EXOSC9: variants seen among roughly 807,000 people sequenced by gnomAD.
The protein encoded by EXOSC9 is exosome complex component RRP45.
In EXOSC9, 38 loss-of-function variants were observed where a neutral mutation model predicts 56.5. The ratio of observed to expected loss-of-function variants is 0.67; its 90% CI spans 0.52 to 0.88. EXOSC9 has a LOEUF of 0.88. Ranked by LOEUF, EXOSC9 falls within the 40% of genes least tolerant of loss-of-function variation. The pLI, the probability that EXOSC9 is intolerant of heterozygous loss-of-function variation, is 0.00. For missense variants in EXOSC9, 559 were observed against 530.5 expected (o/e 1.05, Z -0.53); for synonymous variants, 170 against 170.8 (o/e 0.99, Z 0.04).
intron 10 of EXOSC9, chr4:121,814,710 CCA>C (rs1004035406): frequency 2.6e-5 from 4 of 152,094 alleles, no homozygotes; most frequent in Admixed American, 2.6e-4. Flanking sequence ...AATTAAGCAG[CCA>C]CATGTGGCTA....
In EXOSC9 at chr4:121,816,419, G is replaced by A. The variant is rs1162896262; in HGVS notation, c.1207G>A (p.Glu403Lys). ...TGAAGAAGAAGAAATGATCATTTTG[G>A]AACCAGACAAGAATCCAAAGAAAAT... ...DSEEEEMIIL[E>K]PDKNPKKIRT... The change falls in exon 11 of 12, where the codon GAA (glutamate) becomes AAA (lysine). Residue 403 changes from glutamate to lysine, a missense_variant. By Grantham distance (56) the Glu-to-Lys change is moderately conservative. Transcript: ENST00000243498. 10 of 1,579,102 alleles carry A rather than the reference G, an allele frequency of 6.3e-6. No homozygotes were observed. Among genetic ancestry groups the A allele is most frequent in the Admixed American group, 3.7e-5 (2 of 53,470 alleles).
chr4:121,803,071 A>G, intron 4 of EXOSC9, 54 bp downstream of exon 4: 1 of 1,192,104 alleles, frequency 8.4e-7, no homozygotes, highest in Non-Finnish European at 1.2e-6. Flanking sequence ...TTGATCATGG[A>G]TCCCGGTATC....
chr4:121,804,585 CAGTT>C (rs750710077), intron 4 of EXOSC9, 33 bp from the exon 5 acceptor site: 3 of 1,381,402 alleles, frequency 2.2e-6, no homozygotes, highest in African/African-American at 2.9e-5. Context: ...TGGTTGTAAT[CAGTT>C]AGGATTTATT....
At chr4:121,810,862 C>A (rs116043922) in intron 7 of EXOSC9, among the ~76,000 whole-genome samples, 1 of 151,786 alleles carries the variant, frequency 6.6e-6, no homozygotes, top group Non-Finnish European at 1.5e-5. Flanking sequence ...GACCCTGTCT[C>A]AAAAGCAAAT....
At chr4:121,815,842 C>T in intron 10 of EXOSC9, 1 of 1,085,342 alleles carries the variant, frequency 9.2e-7, no homozygotes, top group African/African-American at 1.6e-5. Context: ...TCTATTATGA[C>T]ATGTACCAAA....
chr4:121,808,534 AT>A (rs1004319533), intron 6 of EXOSC9, among the ~76,000 whole-genome samples: 1 of 151,186 alleles, frequency 6.6e-6, no homozygotes, highest in Non-Finnish European at 1.5e-5. Context: ...TAATTTTTGT[AT>A]TTTTTTTGTA....
At chr4:121,802,025 C>T in intron 2 of EXOSC9, 104 bp downstream of exon 2, 1 of 786,900 alleles carries the variant, frequency 1.3e-6, no homozygotes, top group Non-Finnish European at 2.1e-6. Flanking sequence ...GGACAGTATT[C>T]TTTGTTTAGC....
Position 121,816,393 on chromosome 4 carries a change from G to C in EXOSC9, c.1181G>C (p.Ser394Thr). Reference sequence around the variant, plus strand: ...GATGCTCCCATAATACTCTCAGATAGTGAAGAAGAAGAAATGATCATTTTG... The same window carrying C: ...GATGCTCCCATAATACTCTCAGATACTGAAGAAGAAGAAATGATCATTTTG... ...SQDAPIILSD[S>T]EEEEMIILEP... is the part of the protein sequence containing the mutation. The change falls in exon 11 of 12, where the codon AGT becomes ACT. Residue 394 changes from serine to threonine, a missense_variant. By Grantham distance (58) the Ser-to-Thr change is moderately conservative. Transcript: ENST00000243498. 1 of 1,561,134 alleles carries C rather than the reference G, an allele frequency of 6.4e-7. No homozygotes were observed. The highest frequency in any genetic ancestry group is 1.2e-5 in the South Asian group (1 of 83,812).
chr4:121,803,599 G>T (rs1463174299), intron 4 of EXOSC9, among the ~76,000 whole-genome samples: 1 of 152,048 alleles, frequency 6.6e-6, no homozygotes, highest in African/African-American at 2.4e-5. Context: ...GGAGTGCAGT[G>T]GTGCAATCTC....
intron 9 of EXOSC9, 152 bp downstream of exon 9, chr4:121,813,532 A>G (rs866484235): frequency 1.1e-5 from 8 of 724,854 alleles, no homozygotes; most frequent in Middle Eastern, 7.5e-4. Context: ...TAGAGATGTG[A>G]GTCATATTCT....
intron 8 of EXOSC9, among the ~76,000 whole-genome samples, chr4:121,812,780 C>T (rs946599920): frequency 2.0e-5 from 3 of 152,160 alleles, no homozygotes; most frequent in African/African-American, 4.8e-5. Flanking sequence ...TGTGAGCCAC[C>T]GTGCCTGGAG....
intron 7 of EXOSC9, 50 bp from the exon 8 acceptor site, chr4:121,811,533 A>G (rs765027356): frequency 3.7e-6 from 4 of 1,084,104 alleles, no homozygotes; most frequent in Non-Finnish European, 4.0e-6. Flanking sequence ...CATTAGAGAA[A>G]ACTATTTGGT....
At position 121,807,608 on chromosome 4, in the gene EXOSC9, CT is replaced by C. The variant is rs1320965085; in HGVS notation, c.596del (p.Phe199SerfsTer18). 3.1e-6 allele frequency: 5 copies of C among 1,611,522 alleles called. No individual in the cohort carries two copies. Among genetic ancestry groups the C allele is most frequent in the Non-Finnish European group, 4.2e-6 (5 of 1,177,780 alleles). The stretch of plus-strand genomic sequence containing the variant: ...ACATGCCCATTTGTGTCAGTTTTGC[CT>C]TTTTCCAGCAAGGGTAAGCCTCGCC... ...HHMPICVSFA[F>X]FQQGTYLLVD... On this transcript the variant is annotated frameshift_variant, in exon 6 of 12. Coordinates refer to ENST00000243498, the MANE Select transcript of EXOSC9 (RefSeq NM_005033.3). LOFTEE classifies it high-confidence loss of function.
intron 11 of EXOSC9, 75 bp from the exon 12 acceptor site, chr4:121,816,697 T>C: frequency 1.4e-6 from 2 of 1,431,256 alleles, no homozygotes; most frequent in Non-Finnish European, 1.9e-6. Context: ...ACTGGAAAAC[T>C]AAGAAATGCC....
chr4:121,803,457 C>G (rs1397164814), intron 4 of EXOSC9, among the ~76,000 whole-genome samples: 2 of 152,152 alleles, frequency 1.3e-5, no homozygotes, highest in African/African-American at 4.8e-5. Flanking sequence ...CAGGGCCACA[C>G]CATGTCAGTG....
At chr4:121,813,140 A>T in intron 8 of EXOSC9, 94 bp from the exon 9 acceptor site, 2 of 1,179,620 alleles carry the variant, frequency 1.7e-6, no homozygotes, top group South Asian at 1.7e-5. Context: ...CATCCACCAA[A>T]GGATAAAATA....
intron 10 of EXOSC9, chr4:121,815,965 C>G (rs1173588627): frequency 8.1e-7 from 1 of 1,240,228 alleles, no homozygotes; most frequent in African/African-American, 1.6e-5. Flanking sequence ...AAGCCTCCAC[C>G]TAGAGTTTTA....
chr4:121,806,743 G>A (rs997452679), intron 5 of EXOSC9, among the ~76,000 whole-genome samples: 2 of 152,014 alleles, frequency 1.3e-5, no homozygotes, highest in Admixed American at 1.3e-4. Context: ...AAAGAAGCCA[G>A]GCACAAAACA....
chr4:121,809,780 C>T (rs1419511893), intron 6 of EXOSC9, 187 bp from the exon 7 acceptor site: 4 of 604,630 alleles, frequency 6.6e-6, no homozygotes, highest in African/African-American at 5.6e-5. Flanking sequence ...ACCCACTTAG[C>T]ATTCATTTGT....
Sources: allele counts gnomAD v4.1 joint callset (sites outside exome capture counted in the v4.1 genomes callset), GRCh38; gene constraint gnomAD v4.1.1; transcripts MANE v1.5; gene names NCBI Gene and HGNC (gene_info 2026-07-23, HGNC 2026-07-21).